TBCD: variants seen among roughly 807,000 people sequenced by gnomAD.
TBCD encodes tubulin-specific chaperone D.
A neutral mutation model predicts 169.3 loss-of-function variants in TBCD; 105 were observed. The observed-to-expected ratio is 0.62, with a 90% confidence interval of 0.53 to 0.73. The LOEUF is 0.73. Ranked by LOEUF, TBCD falls within the 30% of genes least tolerant of loss-of-function variation. The probability of loss-of-function intolerance (pLI) is 0.00; values close to 1 mark genes in which losing one functional copy is unlikely to be tolerated. For missense variants in TBCD, 1,444 were observed against 1,600.1 expected (o/e 0.90, Z 1.66); for synonymous variants, 700 against 643.9 (o/e 1.09, Z -1.32).
rs576891398 is a variant in TBCD at position 82,835,600 on chromosome 17, A to G, written c.1318+20666A>G. ...ACCACGCCCAGCTAATTTTTTTGTA[A>G]TTTTAGTAGAGATGGGGTTTCACTA... On this transcript the variant is annotated intron_variant, in intron 13 of 38. Transcript: ENST00000355528. This position sits in a 1 kb window ranked among gnomAD's most constrained non-coding sequence, Gnocchi z 4.5. Among the ~76,000 whole-genome samples, 2 of 151,264 alleles carry G rather than the reference A, an allele frequency of 1.3e-5. No homozygotes were observed. Among genetic ancestry groups the G allele is most frequent in the African/African-American group, 4.9e-5 (2 of 41,094 alleles).
rs774775582 is a variant in TBCD, at chr17:82,922,985, C to T, written c.2179-667C>T. Among the ~76,000 whole-genome samples, 23 of 152,166 alleles carry T rather than the reference C, an allele frequency of 1.5e-4. No homozygotes were observed. Among genetic ancestry groups the T allele is most frequent in the South Asian group, 2.1e-4 (1 of 4,826 alleles). The stretch of plus-strand genomic sequence containing the variant: ...CGCTCCTGCTCTGTGCAGCAATTGC[C>T]GTCCCTCCCACCACGGTTCCTGGTG... On this transcript the variant is annotated intron_variant, in intron 25 of 38. Coordinates refer to ENST00000355528, the MANE Select transcript of TBCD (RefSeq NM_005993.5). The surrounding 1 kb of genome is among the most constrained non-coding windows in gnomAD (Gnocchi z 4.1).
chr17:82,857,599 T>C (rs970796334), intron 13 of TBCD, among the ~76,000 whole-genome samples: 1 of 152,190 alleles, frequency 6.6e-6, no homozygotes, highest in Non-Finnish European at 1.5e-5. Flanking sequence ...GTTTTAAATA[T>C]TTGACACTTT....
chr17:82,760,642 A>G (rs1010550193), intron 2 of TBCD, among the ~76,000 whole-genome samples: 2 of 152,238 alleles, frequency 1.3e-5, no homozygotes, highest in Admixed American at 6.5e-5. Context: ...CTTTATAGGG[A>G]TATAATTACA....
intron 5 of TBCD, 69 bp downstream of exon 5, chr17:82,768,635 G>A: frequency 6.5e-7 from 1 of 1,549,044 alleles, no homozygotes; most frequent in Non-Finnish European, 8.8e-7. Flanking sequence ...CTTGATGTTA[G>A]TGGTTTACTC....
At chr17:82,908,316 G>T (rs180727415) in intron 21 of TBCD, 4 of 456,808 alleles carry the variant, frequency 8.8e-6, no homozygotes, top group Non-Finnish European at 1.8e-5. Flanking sequence ...TGCAGCTGGG[G>T]TCTGATGTCT....
intron 5 of TBCD, among the ~76,000 whole-genome samples, chr17:82,769,733 T>C (rs1447963121): frequency 6.6e-6 from 1 of 151,880 alleles, no homozygotes; most frequent in African/African-American, 2.4e-5. Flanking sequence ...AAAAATTAGC[T>C]GGGCCTGGTG....
At chr17:82,784,293 ACCT>A (rs1568127771) in intron 7 of TBCD, among the ~76,000 whole-genome samples, 1 of 151,766 alleles carries the variant, frequency 6.6e-6, no homozygotes, top group Non-Finnish European at 1.5e-5. Flanking sequence ...GAAATAGAGG[ACCT>A]CCTCATGCCA....
chr17:82,889,518 C>A lies in TBCD; in HGVS notation c.1534-150C>A. On this transcript the variant is annotated intron_variant, in intron 15 of 38. Transcript: ENST00000355528. This position sits in a 1 kb window ranked among gnomAD's most constrained non-coding sequence, Gnocchi z 5.3. ...CAGGACGTAAAAACAGAGTGACGCA[C>A]CTTGAGGCTCTGTTCAGCCAACAAT... The A allele has an allele frequency of 2.3e-6, 2 of 863,958 alleles. No homozygotes were observed. Among genetic ancestry groups the A allele is most frequent in the Non-Finnish European group, 3.7e-6 (2 of 543,646 alleles). 53.5% of individuals were successfully genotyped at this position (863,958 alleles called of 1,614,324 possible).
At chr17:82,852,832 TGA>T (rs1183818339) in intron 13 of TBCD, among the ~76,000 whole-genome samples, 1 of 152,180 alleles carries the variant, frequency 6.6e-6, no homozygotes, top group Admixed American at 6.5e-5. Context: ...CATTCGTGTG[TGA>T]GTTTTTGTGT....
intron 16 of TBCD, among the ~76,000 whole-genome samples, chr17:82,892,025 C>T (rs1017778605): frequency 6.6e-6 from 1 of 152,152 alleles, no homozygotes; most frequent in African/African-American, 2.4e-5. Context: ...ACACCCAGGC[C>T]CCCCACTTCC....
rs575618670 is a variant in TBCD at position 82,853,896 on chromosome 17, A to T, written c.1319-16328A>T. Among the ~76,000 whole-genome samples, 288 of 151,474 alleles carry T rather than the reference A, an allele frequency of 1.9e-3. 2 individuals are homozygous for T. The highest frequency in any genetic ancestry group is 6.8e-3 in the African/African-American group (282 of 41,296). On this transcript the variant is annotated intron_variant, in intron 13 of 38. Transcript: ENST00000355528. The stretch of plus-strand genomic sequence containing the variant: ...TATTATATGAATTTTGCTTTTTCAG[A>T]TTTTTTTTTGTTTTTAAAAGTTGTG...
Position 82,917,019 on chromosome 17 carries a change from C to CTTTTTTTTT in TBCD, c.2039-3533_2039-3532insTTTTTTTTT, listed in dbSNP as rs59331670. Among the ~76,000 whole-genome samples the CTTTTTTTTT allele has an allele frequency of 4.0e-4, 43 of 108,488 alleles. 2 individuals carry two copies. Among genetic ancestry groups the CTTTTTTTTT allele is most frequent in the East Asian group, 5.2e-4 (2 of 3,868 alleles). The allele number at this position is 108,488 out of a possible 152,430, so 71.2% of individuals were successfully genotyped here. On this transcript the variant is annotated intron_variant, in intron 23 of 38. Coordinates refer to ENST00000355528, the MANE Select transcript of TBCD (RefSeq NM_005993.5). ...CAGTTTGGACTTTTTTTTTTCTTTT[C>CTTTTTTTTT]TTTTCTTTTTTTTTTTTTTGAGTTG... is the stretch of plus-strand genomic sequence containing the variant.
intron 15 of TBCD, among the ~76,000 whole-genome samples, chr17:82,885,551 G>A (rs2058659889): frequency 6.6e-6 from 1 of 152,004 alleles, no homozygotes; most frequent in Non-Finnish European, 1.5e-5. Flanking sequence ...TAATTTTTTG[G>A]GGAAATCATC....
At chr17:82,859,236 C>T (rs1013494845) in intron 13 of TBCD, among the ~76,000 whole-genome samples, 8 of 135,108 alleles carry the variant, frequency 5.9e-5, no homozygotes, top group East Asian at 2.3e-4. Context: ...AAGAGAGTCT[C>T]GTGGGTCGTC....
chr17:82,799,621 C>T (rs2050356267), intron 8 of TBCD, among the ~76,000 whole-genome samples: 1 of 152,212 alleles, frequency 6.6e-6, no homozygotes, highest in South Asian at 2.1e-4. Flanking sequence ...TTCATCCCTG[C>T]ACCGCACAGG....
At chr17:82,773,341 C>A (rs991787289) in intron 6 of TBCD, among the ~76,000 whole-genome samples, 1 of 152,098 alleles carries the variant, frequency 6.6e-6, no homozygotes, top group African/African-American at 2.4e-5. Context: ...TTTGTGACAG[C>A]CTGGAGCTGA....
chr17:82,873,851 A>G (rs114959201), intron 14 of TBCD, among the ~76,000 whole-genome samples: 3,763 of 152,222 alleles, frequency 0.025, 180 homozygotes, highest in African/African-American at 0.086. Context: ...GGGGCCACTC[A>G]GTGATCTGTT....
intron 9 of TBCD, among the ~76,000 whole-genome samples, chr17:82,801,719 C>T (rs1298450388): frequency 8.3e-6 from 1 of 120,332 alleles, no homozygotes; most frequent in Non-Finnish European, 1.7e-5. Flanking sequence ...TCGGAGTCAG[C>T]GTGGCAGGAG....
chr17:82,842,971 G>C (rs1480398193), intron 13 of TBCD, among the ~76,000 whole-genome samples: 2 of 151,600 alleles, frequency 1.3e-5, no homozygotes, highest in African/African-American at 2.4e-5. Flanking sequence ...TAGTAGAGAC[G>C]GGGTTTCACC....
Sources: gnomAD v4.1 joint callset for allele counts (sites outside exome capture counted in the v4.1 genomes callset) on GRCh38, gnomAD v4.1.1 for gene constraint, Gnocchi (gnomAD v3.1) non-coding constraint, MANE v1.5 for transcripts, NCBI Gene and HGNC (gene_info 2026-07-23, HGNC 2026-07-21) for gene names.